Variants in ADAM33 observed in about 807,000 individuals in gnomAD.
The protein encoded by ADAM33 is disintegrin and metalloproteinase domain-containing protein 33.
A neutral mutation model predicts 106.2 loss-of-function variants in ADAM33; 103 were observed. The observed-to-expected ratio is 0.97, with a 90% CI of 0.83 to 1.14. The LOEUF (loss-of-function observed/expected upper bound fraction) is 1.14, where lower values mean the gene tolerates loss of function less well. Ranked by LOEUF, ADAM33 falls within the 50% of genes most tolerant of loss-of-function variation. ADAM33 has a pLI of 0.00. For missense variants in ADAM33, 1,120 were observed against 1,096.6 expected (o/e 1.02, Z -0.30); for synonymous variants, 483 against 453.0 (o/e 1.07, Z -0.84).
rs74180401 is a variant in ADAM33 at position 3,675,312 on chromosome 20, G to A, written c.255-207C>T. On this transcript the variant is annotated intron_variant, in intron 3 of 21. Transcript: ENST00000356518. The surrounding 1 kb of genome is among the most constrained non-coding windows in gnomAD (Gnocchi z 4.1). ...AGGAAGGAGCCTTGGTGATGGCTTAGTTGTGGGAGGTGTGAATATGGGAAG... is the reference window on the plus strand; with the variant it reads ...AGGAAGGAGCCTTGGTGATGGCTTAATTGTGGGAGGTGTGAATATGGGAAG... 2.6e-5 allele frequency among the ~76,000 whole-genome samples: 4 copies of A among 152,206 alleles called. No individual in the cohort carries two copies. The highest frequency in any genetic ancestry group is 7.2e-5 in the African/African-American group (3 of 41,446).
At position 3,673,496 on chromosome 20, in the gene ADAM33, C is replaced by T; in HGVS notation, c.991G>A (p.Asp331Asn). 1 of 1,492,526 alleles carries T rather than the reference C, an allele frequency of 6.7e-7. No individual in the cohort carries two copies. The highest frequency in any genetic ancestry group is 8.9e-7 in the Non-Finnish European group (1 of 1,129,692). 92.5% of individuals were successfully genotyped at this position (1,492,526 alleles called of 1,614,324 possible). ...RAESSGGVST[D>N]HSELPIGAAA... The stretch of plus-strand genomic sequence containing the variant: ...GCGCCGATGGGGAGCTCCGAGTGGT[C>T]CTGGGGGGCCGTGGGAGGGCGGTCA... Residue 331 changes from aspartate (D) to asparagine (N), a missense_variant and splice_region_variant, in exon 11 of 22, where the codon GAC becomes AAC. Transcript: ENST00000356518.
At position 3,674,887 on chromosome 20, in the gene ADAM33, G is replaced by T. The variant is rs200515360; in HGVS notation, c.334-38C>A. On this transcript the variant is annotated intron_variant, in intron 4 of 21. Transcript: ENST00000356518. ...GGGCCAGCCCCAAATCTCAGCCAGGGCTGGAGCAAGAGGGGCAAGAGGGAG... is the reference window on the plus strand; with the variant it reads ...GGGCCAGCCCCAAATCTCAGCCAGGTCTGGAGCAAGAGGGGCAAGAGGGAG... The T allele has an allele frequency of 3.1e-6, 5 of 1,608,350 alleles. No homozygotes were observed. The East Asian group carries it at 1.1e-4, about 36-fold the overall frequency.
intron 19 of ADAM33, 27 bp downstream of exon 19, chr20:3,670,979 C>A: frequency 6.5e-7 from 1 of 1,530,076 alleles, no homozygotes. Flanking sequence ...CAGGAGTAGG[C>A]TCAGGAAGCA....
intron 2 of ADAM33, among the ~76,000 whole-genome samples, 176 bp downstream of exon 2, chr20:3,679,316 C>G (rs374847289): frequency 2.7e-4 from 41 of 151,886 alleles, no homozygotes; most frequent in African/African-American, 8.9e-4. Context: ...ATCCAGATGT[C>G]CAAACCCCAG....
rs757800807 is a variant in ADAM33, at chr20:3,672,215, G to T, written c.1516C>A (p.Pro506Thr). ...CAGTAGCCACTGCCCCTGGCACAGGGTGAGCCGTCCAGTAGGTAAACGTCT... is the reference window on the plus strand; with the variant it reads ...CAGTAGCCACTGCCCCTGGCACAGGTTGAGCCGTCCAGTAGGTAAACGTCT... Reference protein sequence around the residue: ...PPDVYLLDGSPCARGSGYCWD... With the variant: ...PPDVYLLDGSTCARGSGYCWD... The change falls in exon 14 of 22, where the codon CCC becomes ACC. Residue 506 changes from proline (P) to threonine (T), a missense_variant. Pro to Thr is a conservative substitution (Grantham distance 38). Transcript: ENST00000356518. The T allele has an allele frequency of 2.5e-6, 4 of 1,613,474 alleles. No individual in the cohort carries two copies. The East Asian group carries it at 6.7e-5, about 27-fold the overall frequency.
In ADAM33 at chr20:3,673,874, C is replaced by A; in HGVS notation, c.776G>T (p.Gly259Val). The part of the protein sequence containing the change: ...RTLDIQVALT[G>V]LEVWTERDRS... ...GTCCCGCTCGGTCCACACCTCCAGG[C>A]CGGTCAGCGCCACCTGAATGTCCAG... Residue 259 changes from glycine to valine, a missense_variant, in exon 9 of 22, where the codon GGC becomes GTC. Coordinates refer to ENST00000356518, the MANE Select transcript of ADAM33 (RefSeq NM_025220.5). The A allele has an allele frequency of 6.4e-7, 1 of 1,561,780 alleles. No individual in the cohort carries two copies. The highest frequency in any genetic ancestry group is 8.6e-7 in the Non-Finnish European group (1 of 1,161,604).
At chr20:3,670,621 CG>C in intron 19 of ADAM33, 3 of 208,070 alleles carry the variant, frequency 1.4e-5, no homozygotes, top group Non-Finnish European at 1.9e-5. Flanking sequence ...GGCAAAGGGC[CG>C]AAAACTGGTG....
At chr20:3,673,080 G>T in intron 11 of ADAM33, 182 bp from the exon 12 acceptor site, 1 of 1,449,640 alleles carries the variant, frequency 6.9e-7, no homozygotes, top group Non-Finnish European at 9.0e-7. Context: ...ATAGTGAGCA[G>T]CCCGGGACCC....
chr20:3,680,785 G>A (rs2088424263), intron 1 of ADAM33, among the ~76,000 whole-genome samples: 1 of 152,232 alleles, frequency 6.6e-6, no homozygotes, highest in African/African-American at 2.4e-5. Flanking sequence ...GGTGCAGTGT[G>A]GTGTGTGGGT....
rs1424188188 is a variant in ADAM33, at chr20:3,672,712, C to T, written c.1311+9G>A. 1 of 1,583,608 alleles carries T rather than the reference C, an allele frequency of 6.3e-7. No homozygotes were observed. The highest frequency in any genetic ancestry group is 1.8e-5 in the Admixed American group (1 of 57,118). ...GAGGGCAAGTGGGGGCCGGGCGAGCCGACTTAACCTGGCCAGGGCCGCAGT... is the reference window on the plus strand; with the variant it reads ...GAGGGCAAGTGGGGGCCGGGCGAGCTGACTTAACCTGGCCAGGGCCGCAGT... On this transcript the variant is annotated intron_variant, in intron 12 of 21. Coordinates refer to ENST00000356518, the MANE Select transcript of ADAM33 (RefSeq NM_025220.5).
At position 3,668,064 on chromosome 20, in the gene ADAM33, G is replaced by A. The variant is rs2087321305; in HGVS notation, c.*899C>T. On this transcript the variant is annotated 3_prime_UTR_variant, in exon 22 of 22. Coordinates refer to ENST00000356518, the MANE Select transcript of ADAM33 (RefSeq NM_025220.5). ...TGCCACCATAGCTCACTGCAGTGTT[G>A]AACTCAGGCTCAAGTGATCCTCCTG... 1 of 152,420 alleles carries A rather than the reference G, an allele frequency of 6.6e-6. No homozygotes were observed. The highest frequency in any genetic ancestry group is 1.5e-5 in the Non-Finnish European group (1 of 68,212). The allele number at this position is 152,420 out of a possible 1,614,324, so 9.4% of individuals were successfully genotyped here. A position where few individuals can be genotyped will look rare whatever the true frequency, so the allele number is the denominator to read the frequency against.
Position 3,672,853 on chromosome 20 carries a change from C to A in ADAM33, c.1179G>T (p.Leu393=). 1 of 1,576,316 alleles carries A rather than the reference C, an allele frequency of 6.3e-7. No homozygotes were observed. The highest frequency in any genetic ancestry group is 1.1e-5 in the South Asian group (1 of 88,528). Residue 393 remains leucine, a synonymous_variant, in exon 12 of 22, where the codon CTG becomes CTT. Coordinates refer to ENST00000356518, the MANE Select transcript of ADAM33 (RefSeq NM_025220.5). ...RVFSACSRRQ[L]RAFFRKGGGA... ...CGCCCCCCTTGCGGAAGAAGGCGCG[C>A]AGCTGGCGGCGGCTGCAGGCGCTGA...
intron 13 of ADAM33, 48 bp downstream of exon 13, chr20:3,672,489 G>C: frequency 1.3e-6 from 2 of 1,597,548 alleles, no homozygotes; most frequent in Non-Finnish European, 1.7e-6. Flanking sequence ...CAACAGGCCG[G>C]CTCCCAAGCT....
chr20:3,672,012 G>A, intron 14 of ADAM33, 27 bp from the exon 15 acceptor site: 1 of 1,552,892 alleles, frequency 6.4e-7, no homozygotes, highest in South Asian at 1.2e-5. Flanking sequence ...CAGGCTGGGG[G>A]CAGCTCGGAG....
chr20:3,671,561 G>A lies in ADAM33; in HGVS notation c.1905+20C>T. ...TGCGGGATTCAAACGGCAAGGAGGGGTCGGGTGGGCAGAGCTCACCATTCT... is the reference window on the plus strand; with the variant it reads ...TGCGGGATTCAAACGGCAAGGAGGGATCGGGTGGGCAGAGCTCACCATTCT... On this transcript the variant is annotated intron_variant, in intron 16 of 21. Coordinates refer to ENST00000356518, the MANE Select transcript of ADAM33 (RefSeq NM_025220.5). 1 of 1,607,596 alleles carries A rather than the reference G, an allele frequency of 6.2e-7. No individual in the cohort carries two copies. Among genetic ancestry groups the A allele is most frequent in the Non-Finnish European group, 8.5e-7 (1 of 1,177,052 alleles).
chr20:3,673,580 C>T lies in ADAM33; in HGVS notation c.984G>A (p.Val328=), dbSNP rs765510802. ...CCCCGCCCGCGGGGCTCACCGTGCTCACGCCTCCCGAGCTCTCGGCGCGGC... is the reference window on the plus strand; with the variant it reads ...CCCCGCCCGCGGGGCTCACCGTGCTTACGCCTCCCGAGCTCTCGGCGCGGC... ...GMCRAESSGG[V]STDHSELPIG... Residue 328 remains valine (V), a synonymous_variant, in exon 10 of 22, where the codon GTG becomes GTA. Transcript: ENST00000356518. 2.9e-6 allele frequency: 4 copies of T among 1,383,412 alleles called. No individual in the cohort carries two copies. The highest frequency in any genetic ancestry group is 9.3e-7 in the Non-Finnish European group (1 of 1,075,648). 85.7% of individuals were successfully genotyped at this position (1,383,412 alleles called of 1,614,324 possible).
Position 3,672,178 on chromosome 20 carries a change from G to T in ADAM33, c.1553C>A (p.Ala518Glu), listed in dbSNP as rs774280799. 1.1e-5 allele frequency: 17 copies of T among 1,613,120 alleles called. No individual in the cohort carries two copies. In the South Asian group the frequency reaches 1.9e-4, roughly 18 times the overall value. The change falls in exon 14 of 22, where the codon GCA becomes GAA. Residue 518 changes from alanine (A) to glutamate (E), a missense_variant. Ala to Glu is a moderately radical substitution (Grantham distance 107). Transcript: ENST00000356518. ...GCACTGCTGCTCCAGCGTGGGACAT[G>T]CGCCATCCCAGCAGTAGCCACTGCC... ...ARGSGYCWDG[A>E]CPTLEQQCQQ...
In ADAM33 at chr20:3,672,724, G is replaced by A; in HGVS notation, c.1308C>T (p.Gly436=). 6.3e-7 allele frequency: 1 copy of A among 1,578,492 alleles called. No individual in the cohort carries two copies. Among genetic ancestry groups the A allele is most frequent in the Non-Finnish European group, 8.6e-7 (1 of 1,161,050 alleles). The change falls in exon 12 of 22, where the codon GGC becomes GGT. Residue 436 remains glycine, a synonymous_variant. Coordinates refer to ENST00000356518, the MANE Select transcript of ADAM33 (RefSeq NM_025220.5). The part of the protein sequence containing the change: ...EAGEECDCGP[G]QECRDLCCFA... ...GGGCCGGGCGAGCCGACTTAACCTG[G>A]CCAGGGCCGCAGTCACACTCCTCGC... is the stretch of plus-strand genomic sequence containing the variant.
At position 3,673,475 on chromosome 20, in the gene ADAM33, C is replaced by T; in HGVS notation, c.1012G>A (p.Gly338Ser). 6.5e-7 allele frequency: 1 copy of T among 1,536,156 alleles called. No individual in the cohort carries two copies. The highest frequency in any genetic ancestry group is 8.7e-7 in the Non-Finnish European group (1 of 1,148,318). The change falls in exon 11 of 22, where the codon GGC becomes AGC. Residue 338 changes from glycine (G) to serine (S), a missense_variant. Transcript: ENST00000356518. ...VSTDHSELPI[G>S]AAATMAHEIG... is the part of the protein sequence containing the mutation. ...TCATGGGCCATGGTGGCTGCGGCGC[C>T]GATGGGGAGCTCCGAGTGGTCCTGG...
Sources: gnomAD v4.1 joint callset for allele counts (sites outside exome capture counted in the v4.1 genomes callset) on GRCh38, gnomAD v4.1.1 for gene constraint, Gnocchi (gnomAD v3.1) non-coding constraint, MANE v1.5 for transcripts, NCBI Gene and HGNC (gene_info 2026-07-23, HGNC 2026-07-21) for gene names.